Variants in ROBO1 observed in about 807,000 individuals in gnomAD.
ROBO1 encodes the protein roundabout homolog 1.
A neutral mutation model predicts 195.9 loss-of-function variants in ROBO1; 149 were observed. That is an observed-to-expected ratio of 0.76 (90% CI 0.67 to 0.87). ROBO1 has a LOEUF of 0.87. Ranked by LOEUF, ROBO1 falls within the 40% of genes least tolerant of loss-of-function variation. The pLI is 0.00. For missense variants in ROBO1, 1,933 were observed against 2,068.3 expected (o/e 0.93, Z 1.27); for synonymous variants, 816 against 733.2 (o/e 1.11, Z -1.82).
Position 78,938,744 on chromosome 3 carries a change from C to A in ROBO1, c.356G>T (p.Arg119Leu). Residue 119 changes from arginine to leucine, a missense_variant, in exon 4 of 31, where the codon CGA (arginine) becomes CTA (leucine). This residue lies in a region of ROBO1 where 185 missense variants were observed against 159.5 expected (regional missense o/e 1.16). Transcript: ENST00000464233. ...TAAAGATCCACTCGGCAGCAACATT[C>A]GGTGTGAGCGAGGGTCATCTTTGTC... ...ETDKDDPRSH[R>L]MLLPSGSLFF... 1 of 1,613,976 alleles carries A rather than the reference C, an allele frequency of 6.2e-7. No individual in the cohort carries two copies. Among genetic ancestry groups the A allele is most frequent in the Non-Finnish European group, 8.5e-7 (1 of 1,179,896 alleles).
intron 3 of ROBO1, among the ~76,000 whole-genome samples, chr3:79,044,360 C>A (rs1013636099): frequency 2.0e-5 from 3 of 152,052 alleles, no homozygotes; most frequent in Admixed American, 6.6e-5. Flanking sequence ...AAGGTCCTAT[C>A]TAATATCATC....
intron 1 of ROBO1, among the ~76,000 whole-genome samples, chr3:79,615,903 A>T (rs578010904): frequency 1.0e-3 from 158 of 152,346 alleles, no homozygotes; most frequent in Non-Finnish European, 1.9e-3. Context: ...GTCAGATGCC[A>T]GTTCTCCTCA....
At chr3:79,287,290 T>C (rs773056423) in intron 2 of ROBO1, among the ~76,000 whole-genome samples, 2 of 152,150 alleles carry the variant, frequency 1.3e-5, no homozygotes, top group Non-Finnish European at 2.9e-5. Flanking sequence ...CCATTTAATC[T>C]GATAGCATAA....
intron 2 of ROBO1, among the ~76,000 whole-genome samples, chr3:79,241,055 T>C (rs545189819): frequency 2.0e-5 from 3 of 152,322 alleles, no homozygotes; most frequent in East Asian, 3.9e-4. Context: ...TGTTAACTTT[T>C]GCAAACATTT....
chr3:78,726,377 A>T (rs949638581), intron 5 of ROBO1, among the ~76,000 whole-genome samples: 5 of 152,244 alleles, frequency 3.3e-5, no homozygotes, highest in Admixed American at 6.5e-5. Context: ...CTAAAAGATT[A>T]AAGGTTTGAA....
intron 4 of ROBO1, among the ~76,000 whole-genome samples, chr3:78,876,467 A>C (rs1469680254): frequency 6.6e-6 from 1 of 152,156 alleles, no homozygotes; most frequent in Non-Finnish European, 1.5e-5. Context: ...GGTAGTAAAA[A>C]ATTTAGTAAA....
At chr3:79,735,729 G>A (rs1703349647) in intron 1 of ROBO1, among the ~76,000 whole-genome samples, 1 of 152,112 alleles carries the variant, frequency 6.6e-6, no homozygotes, top group Admixed American at 6.5e-5. Flanking sequence ...AAATTAGCCA[G>A]GCGTGGTGGC....
At chr3:79,001,254 G>A (rs759267440) in intron 3 of ROBO1, among the ~76,000 whole-genome samples, 55 of 152,138 alleles carry the variant, frequency 3.6e-4, no homozygotes, top group Non-Finnish European at 6.9e-4. Flanking sequence ...AAACCTGCAT[G>A]TTCAGCACAT....
At chr3:79,437,234 T>G (rs1333941043) in intron 2 of ROBO1, among the ~76,000 whole-genome samples, 1 of 151,794 alleles carries the variant, frequency 6.6e-6, no homozygotes, top group East Asian at 1.9e-4. Flanking sequence ...AATGAAAGAC[T>G]GAGATAACTG....
chr3:79,107,112 C>CTG (rs1285773992), intron 3 of ROBO1, among the ~76,000 whole-genome samples: 2 of 136,376 alleles, frequency 1.5e-5, no homozygotes, highest in African/African-American at 5.3e-5. Flanking sequence ...CTCTTTCTCT[C>CTG]TCTCTCTCTC....
intron 12 of ROBO1, 23 bp downstream of exon 12, chr3:78,668,461 G>A: frequency 6.2e-7 from 1 of 1,612,546 alleles, no homozygotes; most frequent in Non-Finnish European, 8.5e-7. Context: ...TTCACTTTAA[G>A]GGAAACACAC....
intron 3 of ROBO1, among the ~76,000 whole-genome samples, chr3:79,000,684 T>G (rs896717566): frequency 6.6e-6 from 1 of 152,262 alleles, no homozygotes; most frequent in South Asian, 2.1e-4. Context: ...GAGTGTAAAT[T>G]ACTTCAACGA....
intron 2 of ROBO1, among the ~76,000 whole-genome samples, chr3:79,267,458 T>A (rs1417024683): frequency 6.6e-6 from 1 of 151,450 alleles, no homozygotes; most frequent in Non-Finnish European, 1.5e-5. Flanking sequence ...GATGCTTTAC[T>A]CCCTCCATTA....
chr3:78,708,247 T>C (rs2081599295), intron 8 of ROBO1, among the ~76,000 whole-genome samples: 1 of 152,194 alleles, frequency 6.6e-6, no homozygotes, highest in South Asian at 2.1e-4. Flanking sequence ...CTTTAAACTA[T>C]GTGGCTTTAT....
intron 2 of ROBO1, among the ~76,000 whole-genome samples, chr3:79,176,385 A>G (rs774251991): frequency 1.3e-5 from 2 of 152,206 alleles, no homozygotes; most frequent in Non-Finnish European, 2.9e-5. Context: ...TGTCATCAAA[A>G]TCATCCAAAT....
intron 5 of ROBO1, among the ~76,000 whole-genome samples, chr3:78,730,857 G>A (rs2082270679): frequency 6.6e-6 from 1 of 152,174 alleles, no homozygotes; most frequent in Non-Finnish European, 1.5e-5. Context: ...CTTAGAGGAA[G>A]CAAGTAGGCT....
intron 3 of ROBO1, among the ~76,000 whole-genome samples, chr3:79,124,765 C>T (rs1007320676): frequency 6.6e-6 from 1 of 152,124 alleles, no homozygotes; most frequent in Non-Finnish European, 1.5e-5. Context: ...AAGTTTTAGT[C>T]AAATTATCTC....
intron 2 of ROBO1, among the ~76,000 whole-genome samples, chr3:79,250,750 T>G (rs1183040519): frequency 6.6e-6 from 1 of 152,118 alleles, no homozygotes; most frequent in African/African-American, 2.4e-5. Context: ...TGGAATATTT[T>G]TTAGCTATTA....
intron 1 of ROBO1, among the ~76,000 whole-genome samples, chr3:79,595,008 T>C (rs1326020482): frequency 6.6e-6 from 1 of 151,962 alleles, no homozygotes; most frequent in Non-Finnish European, 1.5e-5. Flanking sequence ...TTTTGACAAA[T>C]GTATAGAACC....
Sources: gnomAD v4.1 joint callset for allele counts (sites outside exome capture counted in the v4.1 genomes callset) on GRCh38, gnomAD v4.1.1 for gene constraint, gnomAD v4.1.1 regional missense constraint, MANE v1.5 for transcripts, NCBI Gene and HGNC (gene_info 2026-07-23, HGNC 2026-07-21) for gene names.